Variants in QRICH2 observed in about 807,000 individuals in gnomAD.
QRICH2 encodes the protein glutamine rich 2, also known as glutamine-rich protein 2.
Under a neutral mutation model 168.3 loss-of-function variants are expected in QRICH2, and 119 were observed. The ratio of observed to expected loss-of-function variants is 0.71; its 90% CI spans 0.61 to 0.82. The LOEUF is 0.82. QRICH2 is among the 40% of genes least tolerant of loss of function. The pLI is 0.00. For synonymous variants in QRICH2, 894 were observed against 951.2 expected, an observed-to-expected ratio of 0.94 and a Z score of 1.11; for missense variants, 2,241 against 2,491.6, an observed-to-expected ratio of 0.90 and a Z score of 2.14.
Position 76,274,233 on chromosome 17 carries a change from G to T in QRICH2, c.5510C>A (p.Pro1837His). The change falls in exon 19 of 19, where the codon CCT becomes CAT. Residue 1837 changes from proline (P) to histidine (H), a missense_variant. Physicochemically the swap from Pro to His is moderately conservative, Grantham distance 77. This residue lies in a region of QRICH2 where 189 missense variants were observed against 169.3 expected (regional missense o/e 1.12). Coordinates refer to ENST00000680821, the MANE Select transcript of QRICH2 (RefSeq NM_001388453.1). Reference sequence around the variant, plus strand: ...CTGGGAGAGACGGCCCTCGGAGGAAGGTCTATCTTTCTGTTGACGAGAAGA... The same window carrying T: ...CTGGGAGAGACGGCCCTCGGAGGAATGTCTATCTTTCTGTTGACGAGAAGA... The part of the protein sequence containing the change: ...SVSSRQQKDR[P>H]SSEGRLSQPN... 1 of 1,594,730 alleles carries T rather than the reference G, an allele frequency of 6.3e-7. No individual in the cohort carries two copies. Among genetic ancestry groups the T allele is most frequent in the Admixed American group, 1.8e-5 (1 of 55,190 alleles).
At chr17:76,308,585 G>A (rs1456344154), upstream of QRICH2, 1 of 697,656 alleles carries the variant, frequency 1.4e-6, no homozygotes, top group African/African-American at 1.9e-5. Context: ...CATGTCTAAG[G>A]GATGCAGTCC....
rs1157344302 is a variant in QRICH2 at position 76,293,236 on chromosome 17, T to C, written c.1491A>G (p.Ile497Met). 1.9e-6 allele frequency: 3 copies of C among 1,614,064 alleles called. No individual in the cohort carries two copies. The East Asian group carries it at 6.7e-5, about 36-fold the overall frequency. Reference protein sequence around the residue: ...PLGMDQRGCVISGMGQQGLVP... With the variant: ...PLGMDQRGCVMSGMGQQGLVP... ...CTAGTCCTTGCTGACCCATGCCTGA[T>C]ATTACACATCCACGCTGATCCATGC... Residue 497 changes from isoleucine to methionine, a missense_variant, in exon 4 of 19, where the codon ATA (isoleucine) becomes ATG (methionine). Physicochemically the swap from Ile to Met is conservative, Grantham distance 10 (BLOSUM62 1). Around this residue, in one of 3 missense-constraint regions of QRICH2, gnomAD observed 2,047 missense variants for 2,303.8 expected, o/e 0.89. Transcript: ENST00000680821.
chr17:76,276,672 CCA>C lies in QRICH2; in HGVS notation c.5353+6_5353+7del. ...TGAGGTGCCTGGGGGCCTCTGGACT[CCA>C]CTCACTGTCTTTTCGGAGGATGCCT... On this transcript the variant is annotated splice_donor_region_variant and intron_variant, in intron 17 of 18. Coordinates refer to ENST00000680821, the MANE Select transcript of QRICH2 (RefSeq NM_001388453.1). 6.2e-7 allele frequency: 1 copy of C among 1,612,608 alleles called. No homozygotes were observed.
At position 76,291,284 on chromosome 17, in the gene QRICH2, G is replaced by A; in HGVS notation, c.3443C>T (p.Pro1148Leu). 1 of 1,614,188 alleles carries A rather than the reference G, an allele frequency of 6.2e-7. No homozygotes were observed. The highest frequency in any genetic ancestry group is 8.5e-7 in the Non-Finnish European group (1 of 1,180,040). ...CCTGAAAAGAGTGACATCTTGGCCT[G>A]GGGCCTTCTGGGCAGGAATTCCATG... ...DRHGIPAQKAPGQDVTLFRSP... is the reference protein window; with the variant it reads ...DRHGIPAQKALGQDVTLFRSP... The change falls in exon 4 of 19, where the codon CCA (proline) becomes CTA (leucine). Residue 1148 changes from proline (P) to leucine (L), a missense_variant. Physicochemically the swap from Pro to Leu is moderately conservative, Grantham distance 98 (BLOSUM62 -3). Transcript: ENST00000680821.
Position 76,280,580 on chromosome 17 carries a change from C to G in QRICH2, c.4461+74G>C. ...CCACACTCGTCTCGCCAGCTCCCCT[C>G]CACTCAGTCTCTCAAAGAACAGTCA... On this transcript the variant is annotated intron_variant, in intron 10 of 18. Transcript: ENST00000680821. The surrounding 1 kb of genome is among the most constrained non-coding windows in gnomAD (Gnocchi z 7.4). The G allele has an allele frequency of 6.2e-7, 1 of 1,600,530 alleles. No individual in the cohort carries two copies. Among genetic ancestry groups the G allele is most frequent in the South Asian group, 1.1e-5 (1 of 90,728 alleles).
Position 76,279,072 on chromosome 17 carries a change from C to A in QRICH2, c.4885G>T (p.Glu1629Ter). The A allele has an allele frequency of 6.2e-7, 1 of 1,614,002 alleles. No individual in the cohort carries two copies. Among genetic ancestry groups the A allele is most frequent in the South Asian group, 1.1e-5 (1 of 91,060 alleles). The part of the protein sequence containing the change: ...HHSIRPYTVF[E>*]LEQVRQHSRN... ...CTATGCTGCCGGACCTGCTCCAGTT[C>A]AAACACCGTGTAGGGGCGGATGGAA... The change falls in exon 14 of 19, where the codon GAA (glutamate) becomes TAA (stop). Residue 1629 changes from glutamate to a stop codon, truncating the protein, a stop_gained. Coordinates refer to ENST00000680821, the MANE Select transcript of QRICH2 (RefSeq NM_001388453.1). LOFTEE classifies it high-confidence loss of function.
chr17:76,302,250 T>G (rs2070917129), intron 3 of QRICH2, among the ~76,000 whole-genome samples: 1 of 152,210 alleles, frequency 6.6e-6, no homozygotes, highest in South Asian at 2.1e-4. Flanking sequence ...GAGTCTCATC[T>G]GATGCCCTTA....
chr17:76,293,706 G>A lies in QRICH2; in HGVS notation c.1021C>T (p.Arg341Cys), dbSNP rs754459255. 12 of 1,614,024 alleles carry A rather than the reference G, an allele frequency of 7.4e-6. No homozygotes were observed. The highest frequency in any genetic ancestry group is 2.2e-5 in the East Asian group (1 of 44,900). ...STFQFKSDSD[R>C]HRSREKLTST... ...GTAAGCTTCTCTCTACTCCTGTGACGATCTGAGTCTGATTTGAATTGGAAT... is the reference window on the plus strand; with the variant it reads ...GTAAGCTTCTCTCTACTCCTGTGACAATCTGAGTCTGATTTGAATTGGAAT... Residue 341 changes from arginine to cysteine, a missense_variant, in exon 4 of 19, where the codon CGT becomes TGT. Transcript: ENST00000680821.
intron 3 of QRICH2, among the ~76,000 whole-genome samples, chr17:76,299,914 G>C (rs868303152): frequency 1.3e-5 from 2 of 151,194 alleles, no homozygotes; most frequent in African/African-American, 4.9e-5. Context: ...TGCAACCTCC[G>C]CCTTCCGGTG....
chr17:76,291,833 C>T lies in QRICH2; in HGVS notation c.2894G>A (p.Gly965Glu). The change falls in exon 4 of 19, where the codon GGA (glycine) becomes GAA (glutamate). Residue 965 changes from glycine (G) to glutamate (E), a missense_variant. Physicochemically the swap from Gly to Glu is moderately conservative, Grantham distance 98. Around this residue, in one of 3 missense-constraint regions of QRICH2, gnomAD observed 2,047 missense variants for 2,303.8 expected, o/e 0.89. Transcript: ENST00000680821. ...TTGTCTCAAACCATACTGATCCATT[C>T]CTGGCTGCACCAGACCACGTGGATA... is the stretch of plus-strand genomic sequence containing the variant. ...GTYPRGLVQP[G>E]MDQYGLRQPG... 2 of 1,614,168 alleles carry T rather than the reference C, an allele frequency of 1.2e-6. No individual in the cohort carries two copies. The highest frequency in any genetic ancestry group is 1.1e-5 in the South Asian group (1 of 91,080).
rs1238985537 is a variant in QRICH2, at chr17:76,304,863, TG to T, written c.594+18del. On this transcript the variant is annotated intron_variant, in intron 2 of 18. Transcript: ENST00000680821. ...CAGCCCCCTGGAGAGCCCTTTCCCA[TG>T]GAACTGGCTGGTATTACCAGGAATT... 4 of 1,585,824 alleles carry T rather than the reference TG, an allele frequency of 2.5e-6. No homozygotes were observed. In the African/African-American group the frequency reaches 5.4e-5, roughly 21 times the overall value.
chr17:76,278,255 C>T (rs2070726421), intron 14 of QRICH2, 66 bp from the exon 15 acceptor site: 8 of 1,529,536 alleles, frequency 5.2e-6, no homozygotes, highest in South Asian at 3.4e-5. Flanking sequence ...TTGTGTAAGC[C>T]GAATCCTTCA....
chr17:76,304,624 C>G, intron 2 of QRICH2, 99 bp from the exon 3 acceptor site: 1 of 809,300 alleles, frequency 1.2e-6, no homozygotes, highest in South Asian at 1.5e-5. Flanking sequence ...GGGTCCTTCA[C>G]AGCCCCAGCC....
chr17:76,287,321 G>A lies in QRICH2; in HGVS notation c.3897-15C>T, dbSNP rs1457252938. The A allele has an allele frequency of 1.3e-6, 2 of 1,586,006 alleles. No individual in the cohort carries two copies. The highest frequency in any genetic ancestry group is 1.1e-5 in the South Asian group (1 of 90,168). ...CCACGGTGACTCTGTGGTGCACGAT[G>A]AGAGACTGCCAGACTCCACACTCAG... On this transcript the variant is annotated splice_polypyrimidine_tract_variant and intron_variant, in intron 6 of 18. Coordinates refer to ENST00000680821, the MANE Select transcript of QRICH2 (RefSeq NM_001388453.1).
chr17:76,288,773 A>C (rs11077809), intron 5 of QRICH2, among the ~76,000 whole-genome samples: 59,123 of 151,798 alleles, frequency 0.39, 12,945 homozygotes, highest in African/African-American at 0.6. Context: ...CTGGCCCCAG[A>C]AAATCCACAA....
Position 76,281,555 on chromosome 17 carries a change from C to A in QRICH2, c.4263+309G>T, listed in dbSNP as rs2070788456. The stretch of plus-strand genomic sequence containing the variant: ...CGTGCCAGGGAGTCAACATCTCCTA[C>A]AGTTGGGCCTGTGTCTCCAGGGCAC... On this transcript the variant is annotated intron_variant, in intron 8 of 18. Coordinates refer to ENST00000680821, the MANE Select transcript of QRICH2 (RefSeq NM_001388453.1). This position sits in a 1 kb window ranked among gnomAD's most constrained non-coding sequence, Gnocchi z 4.4. 6.6e-6 allele frequency among the ~76,000 whole-genome samples: 1 copy of A among 152,342 alleles called. No homozygotes were observed. The highest frequency in any genetic ancestry group is 1.9e-4 in the East Asian group (1 of 5,184).
At position 76,280,392 on chromosome 17, in the gene QRICH2, C is replaced by T. The variant is rs138760365; in HGVS notation, c.4521G>A (p.Thr1507=). Residue 1507 remains threonine (T), a synonymous_variant, in exon 11 of 19, where the codon ACG becomes ACA. Transcript: ENST00000680821. This position sits in a 1 kb window ranked among gnomAD's most constrained non-coding sequence, Gnocchi z 7.4. ...KVSRVQFDAT[T]EQLNHMMQEL... ...CCTGCATCATGTGGTTCAGCTGCTC[C>T]GTGGTGGCATCAAACTGGACACGGC... The T allele has an allele frequency of 3.5e-4, 560 of 1,614,190 alleles. 2 individuals carry two copies. Among genetic ancestry groups the T allele is most frequent in the African/African-American group, 3.1e-4 (23 of 75,054 alleles).
chr17:76,281,735 G>C lies in QRICH2; in HGVS notation c.4263+129C>G. On this transcript the variant is annotated intron_variant, in intron 8 of 18. Transcript: ENST00000680821. The surrounding 1 kb of genome is among the most constrained non-coding windows in gnomAD (Gnocchi z 4.4). ...GGGACTCTTGTGGGATCTGGCTAAAGGGCTCCGCCACGGAGAGCTGACCTT... is the reference window on the plus strand; with the variant it reads ...GGGACTCTTGTGGGATCTGGCTAAACGGCTCCGCCACGGAGAGCTGACCTT... 8.6e-7 allele frequency: 1 copy of C among 1,164,744 alleles called. No homozygotes were observed. The highest frequency in any genetic ancestry group is 1.4e-5 in the South Asian group (1 of 70,828). The allele number at this position is 1,164,744 out of a possible 1,614,324, so 72.2% of individuals were successfully genotyped here. A position where few individuals can be genotyped will look rare whatever the true frequency, so the allele number is the denominator to read the frequency against.
Position 76,307,829 on chromosome 17 carries a change from G to A in QRICH2, c.170C>T (p.Pro57Leu). Residue 57 changes from proline (P) to leucine (L), a missense_variant, in exon 1 of 19, where the codon CCC becomes CTC. Transcript: ENST00000680821. This position sits in a 1 kb window ranked among gnomAD's most constrained non-coding sequence, Gnocchi z 5.3. Reference protein sequence around the residue: ...RIDFQPSSPEPSRSLQSVRSS... With the variant: ...RIDFQPSSPELSRSLQSVRSS... ...CCGGACGGACTGCAGCGAGCGGCTG[G>A]GCTCGGGCGACGAGGGCTGGAAGTC... is the stretch of plus-strand genomic sequence containing the variant. 1 of 1,289,982 alleles carries A rather than the reference G, an allele frequency of 7.8e-7. No homozygotes were observed. Among genetic ancestry groups the A allele is most frequent in the Non-Finnish European group, 9.8e-7 (1 of 1,020,936 alleles). The allele number at this position is 1,289,982 out of a possible 1,614,324, so 79.9% of individuals were successfully genotyped here.
Sources: gnomAD v4.1 joint callset for allele counts (sites outside exome capture counted in the v4.1 genomes callset) on GRCh38, gnomAD v4.1.1 for gene constraint, gnomAD v4.1.1 regional missense constraint, Gnocchi (gnomAD v3.1) non-coding constraint, MANE v1.5 for transcripts, NCBI Gene and HGNC (gene_info 2026-07-23, HGNC 2026-07-21) for gene names.